AGMO: variants seen among roughly 807,000 people sequenced by gnomAD.
AGMO encodes alkylglycerol monooxygenase.
In AGMO, 75 loss-of-function variants were observed where a neutral mutation model predicts 60.2. That is an observed-to-expected ratio of 1.25 (90% CI 1.03 to 1.51). The LOEUF is 1.51. Ranked by LOEUF, AGMO falls within the 40% of genes most tolerant of loss-of-function variation. The pLI, the probability that AGMO is intolerant of heterozygous loss-of-function variation, is 0.00. For synonymous variants in AGMO, 261 were observed against 177.1 expected (o/e 1.47, Z -3.76); for missense variants, 763 against 525.5 (o/e 1.45, Z -4.42).
chr7:15,288,048 G>A (rs1414441623), intron 12 of AGMO, among the ~76,000 whole-genome samples: 3 of 150,570 alleles, frequency 2.0e-5, no homozygotes, highest in African/African-American at 7.3e-5. Context: ...TTTTTTAATG[G>A]CATCTGGCTC....
At chr7:15,323,672 A>C (rs570998897) in intron 12 of AGMO, among the ~76,000 whole-genome samples, 1 of 152,292 alleles carries the variant, frequency 6.6e-6, no homozygotes, top group Non-Finnish European at 1.5e-5. Flanking sequence ...CTTGCAGTGC[A>C]TGACTTTTGC....
intron 5 of AGMO, among the ~76,000 whole-genome samples, chr7:15,407,819 TAAG>T (rs898569336): frequency 6.6e-6 from 1 of 151,838 alleles, no homozygotes; most frequent in African/African-American, 2.4e-5. Context: ...GAGAGAGAGT[TAAG>T]CAACAAATAC....
At chr7:15,208,927 T>C (rs1440076909) in intron 12 of AGMO, among the ~76,000 whole-genome samples, 2 of 152,200 alleles carry the variant, frequency 1.3e-5, no homozygotes, top group Admixed American at 6.5e-5. Context: ...AAACACGACA[T>C]TTAATCTAAA....
Position 15,268,857 on chromosome 7 carries a change from G to A in AGMO, c.1264-67498C>T, listed in dbSNP as rs76035542. 2.0e-3 allele frequency among the ~76,000 whole-genome samples: 300 copies of A among 151,954 alleles called. 8 individuals are homozygous for A. The East Asian group carries it at 0.05, about 25-fold the overall frequency. ...TGTTAGATTATTTTCTCTATTTTGC[G>A]GTAAGGTCAACAGATGAATGTGGGA... is the stretch of plus-strand genomic sequence containing the variant. On this transcript the variant is annotated intron_variant, in intron 12 of 12. Coordinates refer to ENST00000342526, the MANE Select transcript of AGMO (RefSeq NM_001004320.2).
At chr7:15,328,197 A>C (rs1261888409) in intron 12 of AGMO, among the ~76,000 whole-genome samples, 1 of 151,990 alleles carries the variant, frequency 6.6e-6, no homozygotes, top group Non-Finnish European at 1.5e-5. Context: ...TCTCAGGTTC[A>C]AGTGATTCTC....
chr7:15,275,636 T>C (rs1442973305), intron 12 of AGMO, among the ~76,000 whole-genome samples: 2 of 152,192 alleles, frequency 1.3e-5, no homozygotes, highest in African/African-American at 4.8e-5. Context: ...CTGTCACCAG[T>C]GGGGTGTTAA....
At chr7:15,496,599 T>A (rs1783239459) in intron 3 of AGMO, among the ~76,000 whole-genome samples, 1 of 151,960 alleles carries the variant, frequency 6.6e-6, no homozygotes, top group Admixed American at 6.6e-5. Flanking sequence ...ACATGAATGA[T>A]GGGCAAATGA....
intron 12 of AGMO, among the ~76,000 whole-genome samples, chr7:15,344,013 T>C (rs76440454): frequency 0.11 from 16,326 of 152,220 alleles, 984 homozygotes; most frequent in Admixed American, 0.19. Context: ...ATTTTATTTT[T>C]ACAGATTTTG....
chr7:15,413,109 A>T (rs1428728888), intron 5 of AGMO, among the ~76,000 whole-genome samples: 1 of 152,216 alleles, frequency 6.6e-6, no homozygotes. Flanking sequence ...CAAAATAGTC[A>T]CAGTAAGTGA....
At chr7:15,212,927 C>A (rs1265967883) in intron 12 of AGMO, among the ~76,000 whole-genome samples, 2 of 152,024 alleles carry the variant, frequency 1.3e-5, no homozygotes, top group East Asian at 1.9e-4. Context: ...GTGCAAACAT[C>A]AACAAACGTC....
At chr7:15,531,598 A>T (rs1474908667) in intron 3 of AGMO, among the ~76,000 whole-genome samples, 1 of 113,966 alleles carries the variant, frequency 8.8e-6, no homozygotes, top group African/African-American at 3.4e-5. Flanking sequence ...TATATATTCT[A>T]TATATATATT....
chr7:15,342,035 C>T (rs925801951), intron 12 of AGMO, among the ~76,000 whole-genome samples: 5 of 151,840 alleles, frequency 3.3e-5, no homozygotes, highest in East Asian at 1.9e-4. Flanking sequence ...ATCTGTATCT[C>T]GCCATGAATG....
At chr7:15,165,928 C>T in the AGMO span, among the ~76,000 whole-genome samples, 2 of 151,922 alleles carry the variant, frequency 1.3e-5, no homozygotes, top group South Asian at 2.1e-4. Context: ...TTTAAGTATA[C>T]CTTAAGTGAT....
intron 3 of AGMO, among the ~76,000 whole-genome samples, chr7:15,443,720 G>A (rs528746886): frequency 1.3e-5 from 2 of 152,202 alleles, no homozygotes; most frequent in East Asian, 1.9e-4. Context: ...TACATCCAGA[G>A]AGCTAAGAAT....
At chr7:15,356,084 C>T (rs556905251) in intron 12 of AGMO, among the ~76,000 whole-genome samples, 90 of 152,238 alleles carry the variant, frequency 5.9e-4, no homozygotes, top group African/African-American at 1.9e-3. Context: ...ATTACAACTT[C>T]GGTGAGGAAA....
intron 3 of AGMO, among the ~76,000 whole-genome samples, chr7:15,540,864 G>C (rs1322142099): frequency 6.6e-6 from 1 of 152,084 alleles, no homozygotes; most frequent in Non-Finnish European, 1.5e-5. Context: ...TATAGAAAAT[G>C]TATAAATTTT....
intron 12 of AGMO, among the ~76,000 whole-genome samples, chr7:15,286,810 T>C (rs192926473): frequency 1.5e-4 from 23 of 152,196 alleles, no homozygotes; most frequent in African/African-American, 5.1e-4. Context: ...ATTGCAAAGA[T>C]ATGGAACCAA....
At chr7:15,483,513 C>G (rs2128518220) in intron 3 of AGMO, among the ~76,000 whole-genome samples, 1 of 152,188 alleles carries the variant, frequency 6.6e-6, no homozygotes, top group Admixed American at 6.5e-5. Context: ...TTGCAGTGAG[C>G]CGCGATAGAT....
intron 12 of AGMO, among the ~76,000 whole-genome samples, chr7:15,337,313 A>G (rs889710824): frequency 6.6e-6 from 1 of 152,236 alleles, no homozygotes; most frequent in Non-Finnish European, 1.5e-5. Context: ...TTTTAATAAC[A>G]GAATATATTT....
Sources: gnomAD v4.1 joint callset for allele counts (sites outside exome capture counted in the v4.1 genomes callset) on GRCh38, gnomAD v4.1.1 for gene constraint, MANE v1.5 for transcripts, NCBI Gene and HGNC (gene_info 2026-07-23, HGNC 2026-07-21) for gene names.